The following ZNF550 variants were observed in gnomAD, a reference collection of about 807,000 sequenced individuals.
The protein encoded by ZNF550 is zinc finger protein 550.
A neutral mutation model predicts 40.2 loss-of-function variants in ZNF550; 42 were observed. The observed-to-expected ratio is 1.05, with a 90% CI of 0.82 to 1.35. ZNF550 has a LOEUF of 1.35. Among genes scored for constraint, ZNF550 ranks in the 40% most tolerant of loss-of-function variants. The pLI, the probability that ZNF550 is intolerant of heterozygous loss-of-function variation, is 0.00. For missense variants in ZNF550, 549 were observed against 525.2 expected (o/e 1.05, Z -0.44); for synonymous variants, 223 against 198.6 (o/e 1.12, Z -1.03).
intron 4 of ZNF550, among the ~76,000 whole-genome samples, chr19:57,546,028 T>A (rs190243994): frequency 6.6e-6 from 1 of 151,338 alleles, no homozygotes; most frequent in Non-Finnish European, 1.5e-5. Flanking sequence ...AAATAATGAG[T>A]TTATTAATAA....
Position 57,547,145 on chromosome 19 carries a change from C to T in ZNF550, c.1099G>A (p.Gly367Arg), listed in dbSNP as rs758541560. ...TGGGTGCATTCATAGGGCTTCTCCC[C>T]AGTGTGAATCCGCTGGTGCTGTATG... is the stretch of plus-strand genomic sequence containing the variant. Residue 367 changes from glycine to arginine, a missense_variant, in exon 4 of 5, where the codon GGG (glycine) becomes AGG (arginine). Gly to Arg is a moderately radical substitution (Grantham distance 125). Coordinates refer to ENST00000457177, the Ensembl canonical transcript of ZNF550. The T allele has an allele frequency of 3.7e-6, 6 of 1,611,282 alleles. No homozygotes were observed. The South Asian group carries it at 4.4e-5, about 12-fold the overall frequency.
At chr19:57,544,087 T>C (rs1288200474) in intron 4 of ZNF550, 15 of 985,284 alleles carry the variant, frequency 1.5e-5, no homozygotes, top group Non-Finnish European at 1.8e-5. Context: ...CCTGTTCTCA[T>C]GTGTTTTTCC....
chr19:57,559,550 A>C (rs1229091435), intron 1 of ZNF550, 106 bp downstream of exon 1: 1 of 1,127,688 alleles, frequency 8.9e-7, no homozygotes, highest in Non-Finnish European at 1.2e-6. Flanking sequence ...CTAAGAAGCA[A>C]CGGCAGGGAC....
exon 1 of ZNF550, chr19:57,559,665 G>C: frequency 6.6e-7 from 1 of 1,507,312 alleles, no homozygotes. Context: ...CCTGCGCTGC[G>C]TCCTTCGTCT....
intron 4 of ZNF550, chr19:57,546,363 G>T: frequency 2.4e-6 from 1 of 413,372 alleles, no homozygotes; most frequent in Non-Finnish European, 3.2e-6. Context: ...AAAAAAAAAA[G>T]GAATAAAACC....
chr19:57,543,173 T>C, exon 5 of ZNF550: 1 of 901,226 alleles, frequency 1.1e-6, no homozygotes, highest in Non-Finnish European at 1.3e-6. Context: ...TCCTTCGGTG[T>C]TGTAGTTCTA....
chr19:57,542,454 ATACATG>A (rs1600169112), exon 5 of ZNF550: 1 of 152,058 alleles, frequency 6.6e-6, no homozygotes, highest in East Asian at 1.9e-4. Flanking sequence ...AATGGAGGAA[ATACATG>A]TCCATAATCA....
intron 4 of ZNF550, chr19:57,544,592 A>G (rs986217491): frequency 1.0e-6 from 1 of 985,348 alleles, no homozygotes; most frequent in Non-Finnish European, 1.2e-6. Context: ...TCCTGAAAAA[A>G]CAAAAACAGA....
chr19:57,549,186 CAAAG>C (rs1447354564), intron 3 of ZNF550, among the ~76,000 whole-genome samples: 7 of 152,234 alleles, frequency 4.6e-5, no homozygotes, highest in South Asian at 4.1e-4. Flanking sequence ...GTTTGTAACA[CAAAG>C]AAAGGATAAA....
chr19:57,546,586 A>G (rs1216095315), exon 4 of ZNF550: 1 of 1,004,370 alleles, frequency 1.0e-6, no homozygotes, highest in African/African-American at 1.7e-5. Context: ...ACAATTATGT[A>G]GTAACTTTTC....
exon 2 of ZNF550, chr19:57,556,296 T>G (rs139995875): frequency 3.6e-5 from 58 of 1,613,968 alleles, no homozygotes; most frequent in Non-Finnish European, 4.8e-5. Flanking sequence ...CTGGGCCAGG[T>G]CCAGCTGTCT....
At chr19:57,545,398 C>A (rs146594388) in intron 4 of ZNF550, among the ~76,000 whole-genome samples, 2 of 152,172 alleles carry the variant, frequency 1.3e-5, no homozygotes, top group East Asian at 3.9e-4. Flanking sequence ...AATTCAATCC[C>A]TAGAAAAATG....
chr19:57,552,807 G>A, intron 2 of ZNF550, 85 bp from the exon 3 acceptor site: 1 of 976,032 alleles, frequency 1.0e-6, no homozygotes, highest in Non-Finnish European at 1.5e-6. Flanking sequence ...TCATGACAGG[G>A]TCCAGACATG....
rs186236985 is a variant in ZNF550, at chr19:57,555,887, G to A, written c.154+344C>T. ...GGGCACTGAGGACAAATGTCTTCTG[G>A]GGGGCTGCCTGACTCACCCCTTTCT... On this transcript the variant is annotated intron_variant, in intron 2 of 4. Transcript: ENST00000457177. The A allele has an allele frequency of 1.5e-4, 45 of 306,358 alleles. No homozygotes were observed. In the East Asian group the frequency reaches 3.7e-3, roughly 25 times the overall value. 19.0% of individuals were successfully genotyped at this position (306,358 alleles called of 1,614,324 possible). A position where few individuals can be genotyped will look rare whatever the true frequency, so the allele number is the denominator to read the frequency against.
At chr19:57,552,660 C>G in exon 3 of ZNF550, 1 of 1,598,260 alleles carries the variant, frequency 6.3e-7, no homozygotes, top group Non-Finnish European at 8.5e-7. Flanking sequence ...CCTCTCTTCA[C>G]TATCCACAGC....
rs1568601514 is a variant in ZNF550, at chr19:57,556,362, A to G, written c.28-5T>C. On this transcript the variant is annotated splice_polypyrimidine_tract_variant and splice_region_variant and intron_variant, in intron 1 of 4. Transcript: ENST00000457177. ...ATCCTTGAAGGTCACCAACATCTGG[A>G]AAGTCAAACAGAAGTAATGCTATTG... 1 of 1,611,870 alleles carries G rather than the reference A, an allele frequency of 6.2e-7. No individual in the cohort carries two copies. The highest frequency in any genetic ancestry group is 8.5e-7 in the Non-Finnish European group (1 of 1,179,000).
intron 1 of ZNF550, among the ~76,000 whole-genome samples, chr19:57,557,738 A>C (rs2090135332): frequency 6.6e-6 from 1 of 152,190 alleles, no homozygotes; most frequent in Admixed American, 6.5e-5. Context: ...CTGCCAGGCT[A>C]AGGCTTCCTT....
chr19:57,546,104 A>G (rs1222498325), intron 4 of ZNF550, among the ~76,000 whole-genome samples: 2 of 152,120 alleles, frequency 1.3e-5, no homozygotes, highest in Non-Finnish European at 2.9e-5. Flanking sequence ...TAATGTGGCC[A>G]TCTGTACATG....
intron 1 of ZNF550, chr19:57,556,684 A>G (rs773500345): frequency 2.2e-4 from 50 of 228,980 alleles, no homozygotes; most frequent in Non-Finnish European, 3.5e-4. Flanking sequence ...TCCAACCACA[A>G]TAACAGCAAC....
Sources: allele counts gnomAD v4.1 joint callset (sites outside exome capture counted in the v4.1 genomes callset), GRCh38; gene constraint gnomAD v4.1.1; transcripts MANE v1.5; gene names NCBI Gene and HGNC (gene_info 2026-07-23, HGNC 2026-07-21).